Variants in NXPH1 observed in about 807,000 individuals in gnomAD.
NXPH1 encodes neurexophilin-1.
A neutral mutation model predicts 23.7 loss-of-function variants in NXPH1; 5 were observed. That is an observed-to-expected ratio of 0.21 (90% CI 0.11 to 0.44). The LOEUF (loss-of-function observed/expected upper bound fraction) is 0.44, where lower values mean the gene tolerates loss of function less well. NXPH1 is among the 20% of genes least tolerant of loss of function. NXPH1 has a pLI of 0.99. For missense variants in NXPH1, 324 were observed against 321.6 expected (o/e 1.01, Z -0.06); for synonymous variants, 144 against 122.2 (o/e 1.18, Z -1.18).
At chr7:8,521,312 C>G (rs1310383720) in intron 2 of NXPH1, among the ~76,000 whole-genome samples, 1 of 152,142 alleles carries the variant, frequency 6.6e-6, no homozygotes, top group Non-Finnish European at 1.5e-5. Context: ...ATAGAGAGTG[C>G]CGGGGCTCAT....
chr7:8,476,092 A>G (rs1584180934), intron 2 of NXPH1, among the ~76,000 whole-genome samples: 1 of 152,186 alleles, frequency 6.6e-6, no homozygotes, highest in East Asian at 1.9e-4. Flanking sequence ...GTTCTTCTAC[A>G]GTAGGTTTCT....
At chr7:8,589,417 T>A (rs1468317819) in intron 2 of NXPH1, among the ~76,000 whole-genome samples, 1 of 152,124 alleles carries the variant, frequency 6.6e-6, no homozygotes, top group Non-Finnish European at 1.5e-5. Flanking sequence ...AGAAAGTAAG[T>A]ATGCACACCA....
intron 2 of NXPH1, among the ~76,000 whole-genome samples, chr7:8,649,331 T>G (rs888491732): frequency 6.7e-6 from 1 of 149,480 alleles, no homozygotes; most frequent in Non-Finnish European, 1.5e-5. Flanking sequence ...CCTTTTTTTG[T>G]ATTCAATGTT....
chr7:8,678,149 G>A (rs1280227917), intron 2 of NXPH1, among the ~76,000 whole-genome samples: 1 of 152,106 alleles, frequency 6.6e-6, no homozygotes, highest in Non-Finnish European at 1.5e-5. Flanking sequence ...TCTAAAGTAG[G>A]TGATTTCCTA....
intron 2 of NXPH1, among the ~76,000 whole-genome samples, chr7:8,667,974 T>G (rs1487145401): frequency 8.2e-6 from 1 of 122,056 alleles, no homozygotes; most frequent in African/African-American, 2.9e-5. Flanking sequence ...GCTGTTGATG[T>G]TCTCTATTGT....
intron 2 of NXPH1, among the ~76,000 whole-genome samples, chr7:8,641,204 T>C (rs1035443470): frequency 2.0e-5 from 3 of 152,200 alleles, no homozygotes; most frequent in African/African-American, 7.2e-5. Context: ...GACATTTTTA[T>C]TGTTAATTTT....
chr7:8,546,612 C>A (rs1443963503), intron 2 of NXPH1, among the ~76,000 whole-genome samples: 2 of 151,322 alleles, frequency 1.3e-5, no homozygotes, highest in South Asian at 2.1e-4. Context: ...ATTAAAAGTT[C>A]TCAAACCACT....
chr7:8,623,870 G>GTCACCCCA lies in NXPH1; in HGVS notation c.55-127135_55-127128dup, dbSNP rs1819933342. Reference sequence around the variant, plus strand: ...ATTCATACTCAGACCCATACTCATAGTCACCCCATCCCTATCTCTGTATAT... The same window carrying GTCACCCCA: ...ATTCATACTCAGACCCATACTCATAGTCACCCCATCACCCCATCCCTATCTCTGTATAT... On this transcript the variant is annotated intron_variant, in intron 2 of 2. Coordinates refer to ENST00000405863, the MANE Select transcript of NXPH1 (RefSeq NM_152745.3). 5.3e-5 allele frequency among the ~76,000 whole-genome samples: 8 copies of GTCACCCCA among 151,726 alleles called. No individual in the cohort carries two copies. The South Asian group carries it at 1.7e-3, about 31-fold the overall frequency.
chr7:8,725,828 C>T (rs1399744594), intron 2 of NXPH1, among the ~76,000 whole-genome samples: 7 of 149,898 alleles, frequency 4.7e-5, no homozygotes, highest in Admixed American at 6.7e-5. Context: ...CTGGGTTGAC[C>T]GACATTGTCC....
intron 2 of NXPH1, among the ~76,000 whole-genome samples, chr7:8,491,416 T>C (rs1216910617): frequency 1.3e-5 from 2 of 151,990 alleles, no homozygotes; most frequent in African/African-American, 4.8e-5. Context: ...GTGAAGGGCA[T>C]GAAGAAATGA....
At chr7:8,710,350 C>G (rs1435252966) in intron 2 of NXPH1, among the ~76,000 whole-genome samples, 1 of 152,202 alleles carries the variant, frequency 6.6e-6, no homozygotes, top group African/African-American at 2.4e-5. Context: ...CCTTGCCTAT[C>G]TGGAAATCTT....
chr7:8,743,182 G>GTT (rs149981703), intron 2 of NXPH1, among the ~76,000 whole-genome samples: 1 of 149,396 alleles, frequency 6.7e-6, no homozygotes, highest in African/African-American at 2.5e-5. Flanking sequence ...TTGAGCAATA[G>GTT]TTTTTTTTTT....
chr7:8,578,885 G>A (rs572894102), intron 2 of NXPH1, among the ~76,000 whole-genome samples: 2 of 152,176 alleles, frequency 1.3e-5, no homozygotes, highest in Non-Finnish European at 2.9e-5. Context: ...AGTGTGGTAG[G>A]TAAAGATGAG....
intron 2 of NXPH1, among the ~76,000 whole-genome samples, chr7:8,646,978 G>C (rs982341555): frequency 2.6e-5 from 4 of 151,950 alleles, no homozygotes; most frequent in Non-Finnish European, 4.4e-5. Context: ...CACTGGGGAG[G>C]GGAGGAGAGA....
At chr7:8,676,595 GA>G (rs982335679) in intron 2 of NXPH1, among the ~76,000 whole-genome samples, 1 of 152,138 alleles carries the variant, frequency 6.6e-6, no homozygotes, top group Non-Finnish European at 1.5e-5. Context: ...TACATTACTA[GA>G]AAAGAAAAAG....
At chr7:8,632,830 A>G (rs1055167356) in intron 2 of NXPH1, among the ~76,000 whole-genome samples, 1 of 152,198 alleles carries the variant, frequency 6.6e-6, no homozygotes, top group Admixed American at 6.6e-5. Flanking sequence ...TCTTTCTAGA[A>G]TTTTATTGAA....
chr7:8,736,256 G>T (rs1020290089), intron 2 of NXPH1, among the ~76,000 whole-genome samples: 1 of 152,126 alleles, frequency 6.6e-6, no homozygotes, highest in Non-Finnish European at 1.5e-5. Flanking sequence ...CCTTTCTCCT[G>T]TGGGCATTTA....
At chr7:8,620,079 C>T (rs531053920) in intron 2 of NXPH1, among the ~76,000 whole-genome samples, 1 of 152,218 alleles carries the variant, frequency 6.6e-6, no homozygotes, top group South Asian at 2.1e-4. Context: ...CCAGAGTAGC[C>T]GTTGACCTCT....
At chr7:8,694,370 T>C (rs528055754) in intron 2 of NXPH1, among the ~76,000 whole-genome samples, 1 of 152,290 alleles carries the variant, frequency 6.6e-6, no homozygotes, top group South Asian at 2.1e-4. Flanking sequence ...TTTTGAAGTC[T>C]CAACAGAAAG....
Sources: gnomAD v4.1 joint callset for allele counts (sites outside exome capture counted in the v4.1 genomes callset) on GRCh38, gnomAD v4.1.1 for gene constraint, MANE v1.5 for transcripts, NCBI Gene and HGNC (gene_info 2026-07-23, HGNC 2026-07-21) for gene names.